Variants in MYH10 observed in about 807,000 individuals in gnomAD.
MYH10 encodes the protein myosin-10.
In MYH10, 55 loss-of-function variants were observed where a neutral mutation model predicts 257.8. That is an observed-to-expected ratio of 0.21 (90% confidence interval 0.17 to 0.27). MYH10 has a LOEUF of 0.27. MYH10 is among the 10% of genes least tolerant of loss of function. The probability of loss-of-function intolerance (pLI) is 1.00; values close to 1 mark genes in which losing one functional copy is unlikely to be tolerated. For missense variants in MYH10, 1,631 were observed against 2,500.6 expected (o/e 0.65, Z 7.42); for synonymous variants, 854 against 921.7 (o/e 0.93, Z 1.33).
At chr17:8,532,505 C>T (rs116648790) in intron 16 of MYH10, among the ~76,000 whole-genome samples, 3,851 of 152,274 alleles carry the variant, frequency 0.025, 168 homozygotes, top group African/African-American at 0.084. Context: ...AGGGTCCTAC[C>T]TGTAAGACAT....
Position 8,479,829 on chromosome 17 carries a change from C to T in MYH10, c.5597+281G>A, listed in dbSNP as rs75077992. On this transcript the variant is annotated intron_variant, in intron 40 of 42. Coordinates refer to ENST00000360416, the MANE Select transcript of MYH10 (RefSeq NM_001256012.3). ...ATGGGCTGCCACACGCTTGGGAAAT[C>T]GACTTTGGGTAGGAGATGCAAACTC... is the stretch of plus-strand genomic sequence containing the variant. 9.8e-5 allele frequency among the ~76,000 whole-genome samples: 15 copies of T among 152,298 alleles called. 1 individual carries two copies. In the East Asian group the frequency reaches 1.9e-3, roughly 20 times the overall value.
rs954378049 is a variant in MYH10 at position 8,499,345 on chromosome 17, G to A, written c.3876C>T (p.Val1292=). The change falls in exon 30 of 43, where the codon GTC becomes GTT. Residue 1292 remains valine (V), a synonymous_variant. Coordinates refer to ENST00000360416, the MANE Select transcript of MYH10 (RefSeq NM_001256012.3). ...CAGAGACCTTGGCATGGAGCTCCTG[G>A]ACCTGCGCGTCGAGCTTCTTCCTCT... ...EHKRKKLDAQ[V]QELHAKVSEG... 1 of 1,614,116 alleles carries A rather than the reference G, an allele frequency of 6.2e-7. No homozygotes were observed. Among genetic ancestry groups the A allele is most frequent in the Non-Finnish European group, 8.5e-7 (1 of 1,180,032 alleles).
chr17:8,480,814 C>T (rs1913617679), intron 38 of MYH10, among the ~76,000 whole-genome samples: 1 of 152,116 alleles, frequency 6.6e-6, no homozygotes, highest in Non-Finnish European at 1.5e-5. Flanking sequence ...CCACAGACAA[C>T]AGCCAGAGTC....
intron 3 of MYH10, among the ~76,000 whole-genome samples, chr17:8,601,488 C>T (rs1445716534): frequency 6.6e-6 from 1 of 152,206 alleles, no homozygotes; most frequent in Non-Finnish European, 1.5e-5. Context: ...CTGAGTGTGT[C>T]TTTAGTTCAG....
intron 31 of MYH10, 31 bp from the exon 32 acceptor site, chr17:8,493,916 C>T (rs1165911801): frequency 6.3e-7 from 1 of 1,581,596 alleles, no homozygotes; most frequent in South Asian, 1.2e-5. Flanking sequence ...GCAACACTTC[C>T]ATTACATTTA....
intron 2 of MYH10, among the ~76,000 whole-genome samples, chr17:8,616,338 CAT>C (rs763934121): frequency 6.6e-6 from 1 of 151,484 alleles, no homozygotes; most frequent in South Asian, 2.1e-4. Flanking sequence ...TTGTGGACAA[CAT>C]GTGTGCTCAT....
chr17:8,541,031 A>C (rs2082275922), intron 14 of MYH10, among the ~76,000 whole-genome samples: 1 of 152,358 alleles, frequency 6.6e-6, no homozygotes, highest in African/African-American at 2.4e-5. Context: ...TAAAAGCCAA[A>C]TGAAAATTTT....
chr17:8,599,460 G>A (rs765356239), intron 3 of MYH10, among the ~76,000 whole-genome samples: 1 of 151,946 alleles, frequency 6.6e-6, no homozygotes, highest in East Asian at 1.9e-4. Flanking sequence ...TTGATGCAAT[G>A]TCAGTGATGT....
chr17:8,530,485 A>C (rs2081976844), intron 17 of MYH10, 138 bp downstream of exon 17: 1 of 608,856 alleles, frequency 1.6e-6, no homozygotes, highest in Non-Finnish European at 2.9e-6. Flanking sequence ...GAGCAAAACA[A>C]AAACAGAAAC....
intron 2 of MYH10, among the ~76,000 whole-genome samples, chr17:8,619,796 C>G (rs542938887): frequency 6.6e-6 from 1 of 151,790 alleles, no homozygotes; most frequent in African/African-American, 2.4e-5. Context: ...TGTGGTGGCT[C>G]GAGCCTGTAA....
rs191499274 is a variant in MYH10, at chr17:8,598,370, C to T, written c.502+6456G>A. On this transcript the variant is annotated intron_variant, in intron 3 of 42. Coordinates refer to ENST00000360416, the MANE Select transcript of MYH10 (RefSeq NM_001256012.3). ...CACACTTGCCAAACATTTGTCTAGT[C>T]TGTCTTTTCGTGGGACCAGCTCTTA... 3.3e-5 allele frequency among the ~76,000 whole-genome samples: 5 copies of T among 152,300 alleles called. No individual in the cohort carries two copies. The East Asian group carries it at 9.6e-4, about 29-fold the overall frequency.
intron 32 of MYH10, among the ~76,000 whole-genome samples, chr17:8,493,348 A>T (rs750211394): frequency 1.2e-4 from 17 of 146,032 alleles, no homozygotes; most frequent in Non-Finnish European, 2.1e-4. Context: ...TATCTCAAGG[A>T]AAAAAAAAAA....
At chr17:8,601,647 C>T (rs2084601330) in intron 3 of MYH10, among the ~76,000 whole-genome samples, 1 of 152,188 alleles carries the variant, frequency 6.6e-6, no homozygotes, top group South Asian at 2.1e-4. Context: ...GTTTCCAATT[C>T]TGTCTAATCT....
At chr17:8,503,066 TGAGGTCGGGAG>T in intron 28 of MYH10, among the ~76,000 whole-genome samples, 1 of 152,316 alleles carries the variant, frequency 6.6e-6, no homozygotes, top group Non-Finnish European at 1.5e-5. Context: ...GCGGATCACC[TGAGGTCGGGAG>T]TTTGCGACCA....
intron 2 of MYH10, among the ~76,000 whole-genome samples, chr17:8,608,921 C>G (rs1196874485): frequency 6.6e-6 from 1 of 152,188 alleles, no homozygotes; most frequent in Admixed American, 6.5e-5. Flanking sequence ...CGCCATTCTC[C>G]TGCATCAGCC....
chr17:8,597,758 G>A (rs555778973), intron 3 of MYH10, among the ~76,000 whole-genome samples: 5 of 144,666 alleles, frequency 3.5e-5, no homozygotes, highest in East Asian at 2.1e-4. Context: ...GGGATTACAG[G>A]TGCCCGCCAC....
chr17:8,500,853 G>C lies in MYH10; in HGVS notation c.3717C>G (p.Leu1239=), dbSNP rs1438192581. 1.2e-6 allele frequency: 2 copies of C among 1,613,702 alleles called. No individual in the cohort carries two copies. The highest frequency in any genetic ancestry group is 1.3e-5 in the African/African-American group (1 of 75,016). ...GCTTGGCCTGTTCCAGCTGCTCTGAGAGCTCCTCCAGGGCTGTTGCGTGTC... is the reference window on the plus strand; with the variant it reads ...GCTTGGCCTGTTCCAGCTGCTCTGACAGCTCCTCCAGGGCTGTTGCGTGTC... ...RQRHATALEE[L]SEQLEQAKRF... Residue 1239 remains leucine, a synonymous_variant, in exon 29 of 43, where the codon CTC becomes CTG. Transcript: ENST00000360416.
Position 8,546,501 on chromosome 17 carries a change from A to G in MYH10, c.1278+43T>C, listed in dbSNP as rs2151952632. On this transcript the variant is annotated intron_variant, in intron 12 of 42. Coordinates refer to ENST00000360416, the MANE Select transcript of MYH10 (RefSeq NM_001256012.3). ...TCAGAAGGCCAAATGGCCATGGCTTATCATTCAAACAAATCAGTAATAACA... is the reference window on the plus strand; with the variant it reads ...TCAGAAGGCCAAATGGCCATGGCTTGTCATTCAAACAAATCAGTAATAACA... The G allele has an allele frequency of 3.3e-6, 5 of 1,510,632 alleles. No individual in the cohort carries two copies. The East Asian group carries it at 1.1e-4, about 34-fold the overall frequency. The allele number at this position is 1,510,632 out of a possible 1,614,324, so 93.6% of individuals were successfully genotyped here.
rs2151842404 is a variant in MYH10 at position 8,500,417 on chromosome 17, G to C, written c.3744+409C>G. ...CTGAGGTGAGATCACAGGCAGGGAA[G>C]GACAAGAAGGGAGAGATGAATGTCA... On this transcript the variant is annotated intron_variant, in intron 29 of 42. Coordinates refer to ENST00000360416, the MANE Select transcript of MYH10 (RefSeq NM_001256012.3). 2.0e-5 allele frequency among the ~76,000 whole-genome samples: 3 copies of C among 152,320 alleles called. No homozygotes were observed. In the East Asian group the frequency reaches 5.8e-4, roughly 29 times the overall value.
Sources: gnomAD v4.1 joint callset for allele counts (sites outside exome capture counted in the v4.1 genomes callset) on GRCh38, gnomAD v4.1.1 for gene constraint, MANE v1.5 for transcripts, NCBI Gene and HGNC (gene_info 2026-07-23, HGNC 2026-07-21) for gene names.